Variants in WDPCP observed in about 807,000 individuals in gnomAD.
WDPCP encodes the protein WD repeat containing planar cell polarity effector.
A neutral mutation model predicts 93.1 loss-of-function variants in WDPCP; 71 were observed. The observed-to-expected ratio is 0.76, with a 90% CI of 0.63 to 0.93. The LOEUF (loss-of-function observed/expected upper bound fraction) is 0.93. Among genes scored for constraint, WDPCP ranks in the 40% least tolerant of loss-of-function variants. The pLI, the probability that WDPCP is intolerant of heterozygous loss-of-function variation, is 0.00. For synonymous variants in WDPCP, 315 were observed against 315.0 expected, an observed-to-expected ratio of 1.00 and a Z score of 0.00; for missense variants, 844 against 887.4, an observed-to-expected ratio of 0.95 and a Z score of 0.62.
chr2:63,240,676 T>C (rs576161763), intron 14 of WDPCP, among the ~76,000 whole-genome samples: 1 of 152,208 alleles, frequency 6.6e-6, no homozygotes, highest in Non-Finnish European at 1.5e-5. Flanking sequence ...CAAAATTCTT[T>C]CATTATTTTC....
At chr2:63,753,366 T>C (rs1669911054) in intron 2 of WDPCP, among the ~76,000 whole-genome samples, 1 of 148,158 alleles carries the variant, frequency 6.7e-6, no homozygotes, top group South Asian at 2.2e-4. Flanking sequence ...GAGGCGGAGG[T>C]TGCAGTGAGC....
chr2:63,462,120 G>A (rs200794560), intron 6 of WDPCP, among the ~76,000 whole-genome samples: 2 of 152,196 alleles, frequency 1.3e-5, no homozygotes, highest in Non-Finnish European at 2.9e-5. Context: ...TCAATGATAG[G>A]CTGGATTAAG....
At chr2:63,544,405 T>C (rs1047039116) in intron 1 of WDPCP, among the ~76,000 whole-genome samples, 2 of 152,194 alleles carry the variant, frequency 1.3e-5, no homozygotes, top group Non-Finnish European at 2.9e-5. Flanking sequence ...GTTTGGGATA[T>C]ATTAAAATTT....
intron 2 of WDPCP, among the ~76,000 whole-genome samples, chr2:63,490,833 G>A (rs1700835216): frequency 6.6e-6 from 1 of 152,094 alleles, no homozygotes; most frequent in South Asian, 2.1e-4. Context: ...CCAACCATGG[G>A]GTCCAAGCTG....
chr2:63,487,940 C>T (rs915905840), intron 2 of WDPCP, among the ~76,000 whole-genome samples: 7 of 152,016 alleles, frequency 4.6e-5, no homozygotes, highest in African/African-American at 1.2e-4. Flanking sequence ...TCCTATTCTA[C>T]GGCATTTGGG....
intron 14 of WDPCP, among the ~76,000 whole-genome samples, chr2:63,187,982 T>C (rs1188313286): frequency 7.2e-5 from 11 of 152,090 alleles, no homozygotes; most frequent in Non-Finnish European, 2.9e-5. Context: ...TATTCTTAGT[T>C]GATTTTTTTT....
intron 3 of WDPCP, among the ~76,000 whole-genome samples, chr2:63,627,567 C>T (rs1285055148): frequency 6.6e-6 from 1 of 152,082 alleles, no homozygotes; most frequent in Non-Finnish European, 1.5e-5. Flanking sequence ...CCCATAAAAA[C>T]CCTAGGCTCC....
rs192975970 is a variant in WDPCP, at chr2:63,384,200, T to C, written c.1436-2106A>G. Among the ~76,000 whole-genome samples the C allele has an allele frequency of 5.7e-3, 863 of 152,020 alleles. 8 individuals are homozygous for C. Among genetic ancestry groups the C allele is most frequent in the Middle Eastern group, 6.8e-3 (2 of 294 alleles). On this transcript the variant is annotated intron_variant, in intron 10 of 17. Coordinates refer to ENST00000272321, the MANE Select transcript of WDPCP (RefSeq NM_015910.7). ...GACAGTAAATAGTAAATAACAAATA[T>C]AGAAAAATCAATGAATTCAACAGCT...
Position 63,507,192 on chromosome 2 carries a change from T to G in WDPCP, c.76-14252A>C, listed in dbSNP as rs146432562. Among the ~76,000 whole-genome samples, 294 of 152,076 alleles carry G rather than the reference T, an allele frequency of 1.9e-3. 2 individuals are homozygous for G. The highest frequency in any genetic ancestry group is 6.5e-3 in the African/African-American group (270 of 41,504). ...TGAATTACAAAAGATACAATCCCTG[T>G]GCATATTATTGTGAAATCTCAAAAT... On this transcript the variant is annotated intron_variant, in intron 1 of 17. Transcript: ENST00000272321.
At chr2:63,364,913 T>C (rs755566072) in intron 12 of WDPCP, among the ~76,000 whole-genome samples, 11 of 152,170 alleles carry the variant, frequency 7.2e-5, no homozygotes, top group Non-Finnish European at 1.3e-4. Flanking sequence ...CTTTGAGGGA[T>C]ATATGAACCC....
At chr2:63,840,440 G>C in the WDPCP span, among the ~76,000 whole-genome samples, 1 of 152,202 alleles carries the variant, frequency 6.6e-6, no homozygotes, top group African/African-American at 2.4e-5. Context: ...ATTAGGAACC[G>C]GGGCAATGGG....
intron 3 of WDPCP, among the ~76,000 whole-genome samples, chr2:63,616,292 T>C (rs1011365144): frequency 6.6e-6 from 1 of 152,078 alleles, no homozygotes; most frequent in African/African-American, 2.4e-5. Context: ...AAGGGAATTA[T>C]AAATGGAAAA....
chr2:63,211,187 C>G (rs1021421029), intron 14 of WDPCP, among the ~76,000 whole-genome samples: 2 of 152,186 alleles, frequency 1.3e-5, no homozygotes, highest in African/African-American at 4.8e-5. Context: ...CCCGAGTAGC[C>G]TAACTGGGAG....
chr2:63,779,105 AT>A (rs1180693073), intron 2 of WDPCP, among the ~76,000 whole-genome samples: 2 of 152,180 alleles, frequency 1.3e-5, no homozygotes, highest in Non-Finnish European at 2.9e-5. Flanking sequence ...ATCTAATTGA[AT>A]TGCAACTATA....
chr2:63,171,214 C>T (rs1006997966), intron 15 of WDPCP, among the ~76,000 whole-genome samples: 2 of 152,078 alleles, frequency 1.3e-5, no homozygotes, highest in African/African-American at 4.8e-5. Flanking sequence ...CTTGGCTTCA[C>T]CAAAATTTGG....
At chr2:63,244,830 T>C (rs894447905) in intron 14 of WDPCP, among the ~76,000 whole-genome samples, 9 of 152,170 alleles carry the variant, frequency 5.9e-5, no homozygotes, top group Non-Finnish European at 8.8e-5. Flanking sequence ...TATTTTGAGA[T>C]GGGTGTCGGT....
chr2:63,589,075 C>T (rs138148100), upstream of WDPCP: 1 of 1,614,122 alleles, frequency 6.2e-7, no homozygotes, highest in East Asian at 2.2e-5. Context: ...TTCCTGCCCA[C>T]CTCTGGCCCT....
At chr2:63,739,801 T>G (rs1428184058) in intron 2 of WDPCP, among the ~76,000 whole-genome samples, 1 of 152,114 alleles carries the variant, frequency 6.6e-6, no homozygotes, top group African/African-American at 2.4e-5. Context: ...TATCCCACTC[T>G]GGTTTTGATT....
intron 13 of WDPCP, among the ~76,000 whole-genome samples, chr2:63,292,885 C>T (rs1327504071): frequency 6.6e-6 from 1 of 152,184 alleles, no homozygotes; most frequent in Non-Finnish European, 1.5e-5. Context: ...AGTTAATTTT[C>T]AATTTCAGCT....
Sources: gnomAD v4.1 joint callset for allele counts (sites outside exome capture counted in the v4.1 genomes callset) on GRCh38, gnomAD v4.1.1 for gene constraint, MANE v1.5 for transcripts, NCBI Gene and HGNC (gene_info 2026-07-23, HGNC 2026-07-21) for gene names.